The following RGS7 variants were observed in gnomAD, a reference collection of about 807,000 sequenced individuals.
The protein encoded by RGS7 is regulator of G-protein signaling 7.
In RGS7, 27 loss-of-function variants were observed where a neutral mutation model predicts 81.1. The observed-to-expected ratio is 0.33, with a 90% CI of 0.25 to 0.46. RGS7 has a LOEUF of 0.46. Ranked by LOEUF, RGS7 falls within the 20% of genes least tolerant of loss-of-function variation. The pLI, the probability that RGS7 is intolerant of heterozygous loss-of-function variation, is 1.00. For missense variants in RGS7, 396 were observed against 607.4 expected (o/e 0.65, Z 3.66); for synonymous variants, 208 against 207.7 (o/e 1.00, Z -0.01).
chr1:241,056,740 A>T (rs2061496084), intron 3 of RGS7, among the ~76,000 whole-genome samples: 1 of 152,198 alleles, frequency 6.6e-6, no homozygotes, highest in Admixed American at 6.5e-5. Context: ...TTAAACTGTT[A>T]ATTATGGAGT....
intron 2 of RGS7, among the ~76,000 whole-genome samples, chr1:241,267,744 C>T (rs897418133): frequency 6.6e-6 from 1 of 152,120 alleles, no homozygotes; most frequent in African/African-American, 2.4e-5. Context: ...TTTTAGCACA[C>T]ATATTTTTAA....
intron 3 of RGS7, among the ~76,000 whole-genome samples, chr1:241,051,944 C>A (rs747573104): frequency 6.6e-6 from 1 of 152,154 alleles, no homozygotes; most frequent in Non-Finnish European, 1.5e-5. Flanking sequence ...TATCATGTGG[C>A]GCAGTCAGTC....
At chr1:240,928,631 C>T (rs762142551) in intron 6 of RGS7, among the ~76,000 whole-genome samples, 51 of 131,944 alleles carry the variant, frequency 3.9e-4, no homozygotes, top group Non-Finnish European at 5.5e-4. Context: ...TTTTTTTAGA[C>T]GGAGTCTCAC....
At chr1:241,297,057 A>G (rs2079470435) in intron 2 of RGS7, among the ~76,000 whole-genome samples, 1 of 152,084 alleles carries the variant, frequency 6.6e-6, no homozygotes, top group African/African-American at 2.4e-5. Flanking sequence ...GGTCTTGTTC[A>G]TGTCCCTGTT....
At chr1:240,884,584 G>A (rs953826463) in intron 6 of RGS7, among the ~76,000 whole-genome samples, 1 of 152,192 alleles carries the variant, frequency 6.6e-6, no homozygotes, top group Non-Finnish European at 1.5e-5. Flanking sequence ...ACAGAATAGA[G>A]AGCCCAGAAA....
intron 2 of RGS7, among the ~76,000 whole-genome samples, chr1:241,099,151 C>T (rs767933002): frequency 1.3e-5 from 2 of 152,144 alleles, no homozygotes; most frequent in Non-Finnish European, 2.9e-5. Context: ...GCAAGTAGAG[C>T]CTTAAAAGCA....
rs1424414183 is a variant in RGS7, at chr1:241,166,868, A to G, written c.79-68106T>C. Among the ~76,000 whole-genome samples, 3 of 152,354 alleles carry G rather than the reference A, an allele frequency of 2.0e-5. No individual in the cohort carries two copies. In the East Asian group the frequency reaches 5.8e-4, roughly 29 times the overall value. On this transcript the variant is annotated intron_variant, in intron 2 of 18. Transcript: ENST00000440928. Reference sequence around the variant, plus strand: ...GAGAGTGAACAATGGAATTCCTTCCAGAAGGCAGAATCAGGCCCCATGGAG... The same window carrying G: ...GAGAGTGAACAATGGAATTCCTTCCGGAAGGCAGAATCAGGCCCCATGGAG...
intron 2 of RGS7, among the ~76,000 whole-genome samples, chr1:241,315,107 C>CTTTTT (rs5782184): frequency 0.018 from 1,024 of 57,468 alleles, 167 homozygotes; most frequent in African/African-American, 0.028. Flanking sequence ...TCTTCTTCTT[C>CTTTTT]TTTTTTTTTT....
At chr1:241,354,544 G>A (rs984494756) in intron 2 of RGS7, among the ~76,000 whole-genome samples, 1 of 152,148 alleles carries the variant, frequency 6.6e-6, no homozygotes, top group Admixed American at 6.5e-5. Context: ...TAAAGCCATA[G>A]CAATATTCCC....
chr1:240,948,816 A>G (rs1254882320), intron 4 of RGS7, among the ~76,000 whole-genome samples: 8 of 150,318 alleles, frequency 5.3e-5, no homozygotes, highest in Admixed American at 2.0e-4. Context: ...ATTATTAGCA[A>G]TAATACATAT....
chr1:241,228,869 A>AC (rs2075479425), intron 2 of RGS7, among the ~76,000 whole-genome samples: 1 of 152,186 alleles, frequency 6.6e-6, no homozygotes, highest in South Asian at 2.1e-4. Flanking sequence ...AAATATGAAT[A>AC]AAACAATGAA....
At chr1:240,968,505 A>G (rs1682697301) in intron 4 of RGS7, among the ~76,000 whole-genome samples, 1 of 151,958 alleles carries the variant, frequency 6.6e-6, no homozygotes, top group Non-Finnish European at 1.5e-5. Flanking sequence ...ATTCTGGATA[A>G]TTCAAGAGGC....
At chr1:241,180,370 A>G (rs7533492) in intron 2 of RGS7, among the ~76,000 whole-genome samples, 114,808 of 151,434 alleles carry the variant, frequency 0.76, 44,253 homozygotes, top group Middle Eastern at 0.84. Context: ...GCGAGACTCC[A>G]TCTCAAAAAA....
intron 2 of RGS7, among the ~76,000 whole-genome samples, chr1:241,311,723 C>T (rs958716709): frequency 6.6e-6 from 1 of 152,190 alleles, no homozygotes; most frequent in African/African-American, 2.4e-5. Flanking sequence ...ATTCACATTG[C>T]ATGAGAATTG....
chr1:240,788,819 T>C (rs561224775), intron 18 of RGS7, among the ~76,000 whole-genome samples: 4 of 152,300 alleles, frequency 2.6e-5, no homozygotes, highest in African/African-American at 9.6e-5. Flanking sequence ...TTTTGAGGTA[T>C]GGATAGTTGG....
intron 3 of RGS7, among the ~76,000 whole-genome samples, chr1:241,003,656 G>A (rs2058535960): frequency 6.6e-6 from 1 of 152,086 alleles, no homozygotes; most frequent in Admixed American, 6.5e-5. Context: ...CTGCAAAAAA[G>A]CATCAGGACC....
intron 2 of RGS7, among the ~76,000 whole-genome samples, chr1:241,176,107 A>G (rs778776417): frequency 1.5e-4 from 23 of 152,264 alleles, no homozygotes; most frequent in Middle Eastern, 3.4e-3. Context: ...TCAACTGGCT[A>G]ATCTGCCTAG....
intron 3 of RGS7, among the ~76,000 whole-genome samples, chr1:240,997,636 C>T (rs1687495429): frequency 6.6e-6 from 1 of 152,120 alleles, no homozygotes; most frequent in Non-Finnish European, 1.5e-5. Context: ...ACCAGCCTGA[C>T]CAACATGGGG....
intron 3 of RGS7, among the ~76,000 whole-genome samples, chr1:241,030,836 C>A (rs2060050344): frequency 1.3e-5 from 2 of 152,252 alleles, no homozygotes; most frequent in South Asian, 2.1e-4. Flanking sequence ...CACATGGAAA[C>A]TGACAGTCCA....
Sources: allele counts gnomAD v4.1 joint callset (sites outside exome capture counted in the v4.1 genomes callset), GRCh38; gene constraint gnomAD v4.1.1; transcripts MANE v1.5; gene names NCBI Gene and HGNC (gene_info 2026-07-23, HGNC 2026-07-21).